Variants in PPP1R12C observed in about 807,000 individuals in gnomAD.
The protein encoded by PPP1R12C is protein phosphatase 1 regulatory subunit 12C.
PPP1R12C carries 48 observed loss-of-function variants against 95.6 expected under a neutral mutation model. That is an observed-to-expected ratio of 0.50 (90% confidence interval 0.40 to 0.64). The LOEUF is 0.64. Ranked by LOEUF, PPP1R12C falls within the 30% of genes least tolerant of loss-of-function variation. PPP1R12C has a pLI of 0.00. For missense variants in PPP1R12C, 1,057 were observed against 1,083.3 expected, an observed-to-expected ratio of 0.98 and a Z score of 0.34; for synonymous variants, 480 against 460.8, an observed-to-expected ratio of 1.04 and a Z score of -0.53.
intron 1 of PPP1R12C, chr19:55,113,180 C>T: frequency 2.1e-6 from 1 of 484,732 alleles, no homozygotes. Context: ...AGCCCCTCCT[C>T]CTTCAGAGCC....
rs145261662 is a variant in PPP1R12C, at chr19:55,095,915, G to C, written c.1179C>G (p.Thr393=). ...GCGGCGGGGAGGAGACGCCATTGAG[G>C]GTTCTGGGTTCTGCAGGGGGTGGTT... ...PTEPPPAEPR[T]LNGVSSPPHP... is the part of the protein sequence containing the mutation. The change falls in exon 9 of 22, where the codon ACC becomes ACG. Residue 393 remains threonine, a synonymous_variant. Transcript: ENST00000263433. 2.9e-5 allele frequency: 46 copies of C among 1,613,318 alleles called. No individual in the cohort carries two copies. The African/African-American group carries it at 6.1e-4, about 22-fold the overall frequency.
chr19:55,097,077 C>T (rs1343282803), intron 6 of PPP1R12C: 1 of 259,414 alleles, frequency 3.9e-6, no homozygotes, highest in African/African-American at 2.8e-5. Flanking sequence ...CGCAGTTCAC[C>T]ACCGTCTTCA....
Position 55,103,628 on chromosome 19 carries a change from C to A in PPP1R12C, c.572-60G>T, listed in dbSNP as rs531961543. On this transcript the variant is annotated intron_variant, in intron 3 of 21. Transcript: ENST00000263433. ...CCCCATGACCTGAAATACCCAGGGT[C>A]ATACACTGGGCTGGCCAGGGTTCAG... 2.8e-6 allele frequency: 4 copies of A among 1,430,476 alleles called. No homozygotes were observed. In the African/African-American group the frequency reaches 5.8e-5, roughly 21 times the overall value. The allele number at this position is 1,430,476 out of a possible 1,614,324, so 88.6% of individuals were successfully genotyped here.
intron 1 of PPP1R12C, among the ~76,000 whole-genome samples, chr19:55,115,802 C>T (rs1171981141): frequency 6.6e-6 from 1 of 152,146 alleles, no homozygotes; most frequent in Non-Finnish European, 1.5e-5. Context: ...GATAAAAGTA[C>T]CCAGAACCAG....
intron 6 of PPP1R12C, among the ~76,000 whole-genome samples, chr19:55,097,431 A>G (rs1294388373): frequency 1.1e-5 from 1 of 93,948 alleles, no homozygotes; most frequent in African/African-American, 4.7e-5. Flanking sequence ...GCAGTTCACC[A>G]CCGTCTTCGC....
chr19:55,098,951 C>G lies in PPP1R12C; in HGVS notation c.876G>C (p.Ala292=). 6.3e-7 allele frequency: 1 copy of G among 1,582,334 alleles called. No homozygotes were observed. Among genetic ancestry groups the G allele is most frequent in the Non-Finnish European group, 8.6e-7 (1 of 1,164,036 alleles). ...CACCAGCCTGGGCACTGGCCCTCACCGCATGGGTCAGTGAGTCCATGCCCC... is the reference window on the plus strand; with the variant it reads ...CACCAGCCTGGGCACTGGCCCTCACGGCATGGGTCAGTGAGTCCATGCCCC... ...HGGGMDSLTH[A]GQRPCDLADE... Residue 292 remains alanine, a splice_region_variant and synonymous_variant, in exon 5 of 22, where the codon GCG becomes GCC. Transcript: ENST00000263433.
At chr19:55,110,020 C>T (rs1035204614) in intron 3 of PPP1R12C, among the ~76,000 whole-genome samples, 37 of 152,302 alleles carry the variant, frequency 2.4e-4, no homozygotes, top group African/African-American at 8.9e-4. Flanking sequence ...TCTCCTCACC[C>T]CACGGGAGGG....
At position 55,113,061 on chromosome 19, in the gene PPP1R12C, G is replaced by T. The variant is rs56350931; in HGVS notation, c.322-266C>A. The T allele has an allele frequency of 1.4e-5, 8 of 567,322 alleles. No homozygotes were observed. The African/African-American group carries it at 1.5e-4, about 11-fold the overall frequency. 35.1% of individuals were successfully genotyped at this position (567,322 alleles called of 1,614,324 possible). A position where few individuals can be genotyped will look rare whatever the true frequency, so the allele number is the denominator to read the frequency against. ...AGGAAGTGAACGGGGAAGGGAGGGG[G>T]CTTCTCATCTGGGTGCGGGAACCCC... is the stretch of plus-strand genomic sequence containing the variant. On this transcript the variant is annotated intron_variant, in intron 1 of 21. Coordinates refer to ENST00000263433, the MANE Select transcript of PPP1R12C (RefSeq NM_017607.4).
At chr19:55,098,079 G>A (rs1262889305) in intron 6 of PPP1R12C, among the ~76,000 whole-genome samples, 2 of 152,160 alleles carry the variant, frequency 1.3e-5, no homozygotes, top group African/African-American at 2.4e-5. Context: ...CCCTGCCCAC[G>A]CACCAGAAGC....
Position 55,094,329 on chromosome 19 carries a change from C to G in PPP1R12C, c.1683+16G>C. 1 of 1,607,240 alleles carries G rather than the reference C, an allele frequency of 6.2e-7. No individual in the cohort carries two copies. Among genetic ancestry groups the G allele is most frequent in the Non-Finnish European group, 8.5e-7 (1 of 1,177,536 alleles). On this transcript the variant is annotated intron_variant, in intron 13 of 21. Coordinates refer to ENST00000263433, the MANE Select transcript of PPP1R12C (RefSeq NM_017607.4). ...TCCCTCAGACCCAGGAGTCCAGACC[C>G]CAGCCCACCCCACACCTGTGTGGAC...
At position 55,094,455 on chromosome 19, in the gene PPP1R12C, C is replaced by A. The variant is rs768611646; in HGVS notation, c.1593-20G>T. On this transcript the variant is annotated intron_variant, in intron 12 of 21. Coordinates refer to ENST00000263433, the MANE Select transcript of PPP1R12C (RefSeq NM_017607.4). Reference sequence around the variant, plus strand: ...TAGGACCTGAGGGAAGGGTCCCAACCTCAGACAGGGAACCTGGGGACCCTG... The same window carrying A: ...TAGGACCTGAGGGAAGGGTCCCAACATCAGACAGGGAACCTGGGGACCCTG... The A allele has an allele frequency of 1.1e-5, 18 of 1,613,118 alleles. No individual in the cohort carries two copies. In the East Asian group the frequency reaches 4.0e-4, roughly 36 times the overall value.
At position 55,092,289 on chromosome 19, in the gene PPP1R12C, C is replaced by G; in HGVS notation, c.2093G>C (p.Arg698Pro). ...AELRRENERL[R>P]EALTETTLRL... ...CAGCGTGGTCTCGGTCAGGGCCTCGCGAAGCCGCTCGTTCTCCCTGCGCAG... is the reference window on the plus strand; with the variant it reads ...CAGCGTGGTCTCGGTCAGGGCCTCGGGAAGCCGCTCGTTCTCCCTGCGCAG... Residue 698 changes from arginine (R) to proline (P), a missense_variant, in exon 19 of 22, where the codon CGC (arginine) becomes CCC (proline). By Grantham distance (103) the Arg-to-Pro change is moderately radical (BLOSUM62 -2). Transcript: ENST00000263433. The G allele has an allele frequency of 1.2e-6, 2 of 1,600,132 alleles. No individual in the cohort carries two copies. Among genetic ancestry groups the G allele is most frequent in the South Asian group, 1.1e-5 (1 of 88,954 alleles).
chr19:55,091,269 C>A lies in PPP1R12C; in HGVS notation c.*203G>T. The A allele has an allele frequency of 3.3e-6, 2 of 605,852 alleles. No individual in the cohort carries two copies. The highest frequency in any genetic ancestry group is 4.0e-5 in the South Asian group (2 of 50,410). The allele number at this position is 605,852 out of a possible 1,614,324, so 37.5% of individuals were successfully genotyped here. ...CCTCTGGCAACGTCCCCCTGCTTGG[C>A]TCGGCCTCCCACCTCCATCCTGGCC... On this transcript the variant is annotated 3_prime_UTR_variant, in exon 22 of 22. Transcript: ENST00000263433.
intron 3 of PPP1R12C, among the ~76,000 whole-genome samples, chr19:55,107,884 T>A (rs1266995047): frequency 6.7e-6 from 1 of 150,050 alleles, no homozygotes; most frequent in Non-Finnish European, 1.5e-5. Flanking sequence ...AGAAACTCCA[T>A]CTCAGAGTGA....
Position 55,112,804 on chromosome 19 carries a change from G to A in PPP1R12C, c.322-9C>T. On this transcript the variant is annotated splice_polypyrimidine_tract_variant and intron_variant, in intron 1 of 21. Coordinates refer to ENST00000263433, the MANE Select transcript of PPP1R12C (RefSeq NM_017607.4). ...TTCTCATCAATGCAGGCCTGGGGGT[G>A]GGAAACAGCCGTCAGCCGCACCTAC... The A allele has an allele frequency of 6.2e-7, 1 of 1,611,796 alleles. No individual in the cohort carries two copies. Among genetic ancestry groups the A allele is most frequent in the Non-Finnish European group, 8.5e-7 (1 of 1,179,776 alleles).
Position 55,112,472 on chromosome 19 carries a change from C to T in PPP1R12C, c.566G>A (p.Arg189His), listed in dbSNP as rs1418784432. Residue 189 changes from arginine (R) to histidine (H), a missense_variant, in exon 3 of 22, where the codon CGC becomes CAC. Around this residue, in one of 5 missense-constraint regions of PPP1R12C, gnomAD observed 282 missense variants for 380.4 expected, o/e 0.74. Transcript: ENST00000263433. ...CACAGCACACCAGAGCCCACCTCGG[C>T]GGGCGATCTCCGCCTTCAGCAGCCC... Reference protein sequence around the residue: ...MEGLLKAEIARRGVDVEAAKR... With the variant: ...MEGLLKAEIAHRGVDVEAAKR... 1.2e-5 allele frequency: 19 copies of T among 1,610,316 alleles called. No individual in the cohort carries two copies. Among genetic ancestry groups the T allele is most frequent in the African/African-American group, 1.3e-5 (1 of 74,886 alleles).
intron 1 of PPP1R12C, chr19:55,113,386 G>C (rs1443983204): frequency 6.8e-7 from 1 of 1,461,690 alleles, no homozygotes; most frequent in Non-Finnish European, 9.0e-7. Flanking sequence ...TGAGACAGCT[G>C]CACACCTGTG....
chr19:55,106,073 A>G (rs2085035313), intron 3 of PPP1R12C, among the ~76,000 whole-genome samples: 1 of 152,132 alleles, frequency 6.6e-6, no homozygotes, highest in Non-Finnish European at 1.5e-5. Context: ...TGGAACAGTC[A>G]TTCCCATTCA....
At position 55,117,508 on chromosome 19, in the gene PPP1R12C, C is replaced by T; in HGVS notation, c.36G>A (p.Gly12=). 9.7e-7 allele frequency: 1 copy of T among 1,027,588 alleles called. No homozygotes were observed. Among genetic ancestry groups the T allele is most frequent in the Non-Finnish European group, 1.2e-6 (1 of 857,724 alleles). The allele number at this position is 1,027,588 out of a possible 1,614,324, so 63.7% of individuals were successfully genotyped here. ...GCTCCCGGGCAGCCGCCGCCGCCGC[C>T]CCCGGGCCAGCCGCCGGGCCATCCT... The part of the protein sequence containing the change: ...SGEDGPAAGP[G]AAAAAARERR... Residue 12 remains glycine (G), a synonymous_variant, in exon 1 of 22, where the codon GGG becomes GGA. Coordinates refer to ENST00000263433, the MANE Select transcript of PPP1R12C (RefSeq NM_017607.4).
Sources: gnomAD v4.1 joint callset for allele counts (sites outside exome capture counted in the v4.1 genomes callset) on GRCh38, gnomAD v4.1.1 for gene constraint, gnomAD v4.1.1 regional missense constraint, MANE v1.5 for transcripts, NCBI Gene and HGNC (gene_info 2026-07-23, HGNC 2026-07-21) for gene names.